SPAG5: variants seen among roughly 807,000 people sequenced by gnomAD.
The protein encoded by SPAG5 is sperm associated antigen 5.
Under a neutral mutation model 145.4 loss-of-function variants are expected in SPAG5, and 99 were observed. The ratio of observed to expected loss-of-function variants is 0.68; its 90% confidence interval spans 0.58 to 0.80. The LOEUF (loss-of-function observed/expected upper bound fraction) is 0.80, where lower values mean the gene tolerates loss of function less well. SPAG5 is among the 30% of genes least tolerant of loss of function. SPAG5 has a pLI of 0.00. For synonymous variants in SPAG5, 477 were observed against 525.4 expected, an observed-to-expected ratio of 0.91 and a Z score of 1.26; for missense variants, 1,192 against 1,416.0, an observed-to-expected ratio of 0.84 and a Z score of 2.54.
In SPAG5 at chr17:28,599,000, T is replaced by A. The variant is rs1194184893; in HGVS notation, c.-54A>T. ...CTCAGACCAAGTCGAGGACGCCATG[T>A]TCACCCGCCGTCTGTGTTTGAACCT... On this transcript the variant is annotated 5_prime_UTR_variant, in exon 1 of 24. Coordinates refer to ENST00000321765, the MANE Select transcript of SPAG5 (RefSeq NM_006461.4). 3.8e-6 allele frequency: 6 copies of A among 1,565,300 alleles called. No homozygotes were observed. Among genetic ancestry groups the A allele is most frequent in the Non-Finnish European group, 5.3e-6 (6 of 1,136,140 alleles).
At position 28,577,683 on chromosome 17, in the gene SPAG5, T is replaced by C; in HGVS notation, c.*16A>G. The C allele has an allele frequency of 1.2e-6, 2 of 1,603,222 alleles. No homozygotes were observed. Among genetic ancestry groups the C allele is most frequent in the Non-Finnish European group, 1.7e-6 (2 of 1,169,988 alleles). On this transcript the variant is annotated 3_prime_UTR_variant, in exon 24 of 24. Coordinates refer to ENST00000321765, the MANE Select transcript of SPAG5 (RefSeq NM_006461.4). ...GCAGGTAAAAAGAGGTGAAGCAGAT[T>C]CTGGCTTTCAGTTTCTTAGCTCAGA...
Position 28,579,192 on chromosome 17 carries a change from T to G in SPAG5, c.3066A>C (p.Ala1022=), listed in dbSNP as rs550714390. Residue 1022 remains alanine, a synonymous_variant, in exon 19 of 24, where the codon GCA becomes GCC. Coordinates refer to ENST00000321765, the MANE Select transcript of SPAG5 (RefSeq NM_006461.4). ...TCAGCTTCTCTATGTCTGCTTCTTTTGCCTTCTGGACTTCCTGATGCTGTT... is the reference window on the plus strand; with the variant it reads ...TCAGCTTCTCTATGTCTGCTTCTTTGGCCTTCTGGACTTCCTGATGCTGTT... ...QEEQHQEVQK[A]KEADIEKLNQ... 86 of 1,614,192 alleles carry G rather than the reference T, an allele frequency of 5.3e-5. No homozygotes were observed. In the South Asian group the frequency reaches 8.5e-4, roughly 16 times the overall value.
intron 4 of SPAG5, among the ~76,000 whole-genome samples, chr17:28,588,141 T>C (rs1477490900): frequency 6.6e-6 from 1 of 152,186 alleles, no homozygotes; most frequent in Non-Finnish European, 1.5e-5. Flanking sequence ...CAGTTATCAT[T>C]CACTGCTGCA....
chr17:28,592,212 G>A lies in SPAG5; in HGVS notation c.1032C>T (p.Ala344=). The A allele has an allele frequency of 6.2e-7, 1 of 1,614,178 alleles. No homozygotes were observed. Among genetic ancestry groups the A allele is most frequent in the Non-Finnish European group, 8.5e-7 (1 of 1,180,020 alleles). ...SDTESWMSPL[A]WLEKGVNTSV... ...AGGTATTTACACCTTTTTCCAGCCA[G>A]GCCAGTGGGGACATCCAAGACTCTG... Residue 344 remains alanine (A), a synonymous_variant, in exon 3 of 24, where the codon GCC becomes GCT. Coordinates refer to ENST00000321765, the MANE Select transcript of SPAG5 (RefSeq NM_006461.4).
At chr17:28,598,478 C>T (rs760211774) in intron 2 of SPAG5, 32 bp downstream of exon 2, 24 of 1,609,426 alleles carry the variant, frequency 1.5e-5, no homozygotes, top group Non-Finnish European at 1.8e-5. Flanking sequence ...GGGCAAACAG[C>T]CCAGTCGAGA....
At position 28,591,714 on chromosome 17, in the gene SPAG5, T is replaced by A; in HGVS notation, c.1421A>T (p.Asp474Val). The A allele has an allele frequency of 1.2e-6, 2 of 1,611,872 alleles. No individual in the cohort carries two copies. The highest frequency in any genetic ancestry group is 1.7e-6 in the Non-Finnish European group (2 of 1,178,548). The change falls in exon 4 of 24, where the codon GAC becomes GTC. Residue 474 changes from aspartate to valine, a missense_variant. Around this residue, in one of 5 missense-constraint regions of SPAG5, gnomAD observed 8 missense variants for 28.9 expected, o/e 0.28. Coordinates refer to ENST00000321765, the MANE Select transcript of SPAG5 (RefSeq NM_006461.4). The part of the protein sequence containing the change: ...PETQDSSTQT[D>V]TSHSGITNKL... ...CCTTCTTACCCCACTGTGAGATGTG[T>A]CAGTCTGTGTGCTACTGTCCTGGGT... is the stretch of plus-strand genomic sequence containing the variant.
In SPAG5 at chr17:28,592,208, G is replaced by A. The variant is rs912986009; in HGVS notation, c.1036C>T (p.Leu346=). 1 of 1,614,162 alleles carries A rather than the reference G, an allele frequency of 6.2e-7. No homozygotes were observed. The highest frequency in any genetic ancestry group is 1.3e-5 in the African/African-American group (1 of 75,032). The change falls in exon 3 of 24, where the codon CTG becomes TTG. Residue 346 remains leucine (L), a synonymous_variant. Transcript: ENST00000321765. ...TESWMSPLAW[L]EKGVNTSVML... ...ACGGAGGTATTTACACCTTTTTCCA[G>A]CCAGGCCAGTGGGGACATCCAAGAC...
chr17:28,587,604 C>G (rs1157546842), intron 4 of SPAG5, among the ~76,000 whole-genome samples: 2 of 151,260 alleles, frequency 1.3e-5, no homozygotes, highest in Non-Finnish European at 2.9e-5. Context: ...ATATTCCCAG[C>G]TACTCAGCTG....
At chr17:28,584,309 C>T in intron 12 of SPAG5, 24 bp downstream of exon 12, 1 of 1,614,064 alleles carries the variant, frequency 6.2e-7, no homozygotes, top group Non-Finnish European at 8.5e-7. Context: ...TGCCTACTGC[C>T]ACAGTACCCC....
chr17:28,591,782 C>T lies in SPAG5; in HGVS notation c.1353G>A (p.Gln451=), dbSNP rs202220175. The T allele has an allele frequency of 1.5e-4, 250 of 1,614,052 alleles. No individual in the cohort carries two copies. The highest frequency in any genetic ancestry group is 2.0e-4 in the Non-Finnish European group (234 of 1,180,026). ...CCAGCTGGCTCTTCCAGTCCCGAAG[C>T]TGGCGGGAGAGAACCTCCAGAATGA... ...SLVILEVLSR[Q]LRDWKSQLAV... The change falls in exon 4 of 24, where the codon CAG becomes CAA. Residue 451 remains glutamine, a synonymous_variant. Coordinates refer to ENST00000321765, the MANE Select transcript of SPAG5 (RefSeq NM_006461.4).
chr17:28,584,424 G>A lies in SPAG5; in HGVS notation c.2218C>T (p.Gln740Ter), dbSNP rs373792090. ...TGGGCACAATGGGTATGCTGACTCT[G>A]TAGCTCTTTTAGCTGGCTGTCCATG... Reference protein sequence around the residue: ...ANMDSQLKELQSQHTHCAQDL... With the variant: ...ANMDSQLKEL Residue 740 changes from glutamine (Q) to a stop codon, truncating the protein, a stop_gained, in exon 12 of 24, where the codon CAG becomes TAG. Transcript: ENST00000321765. LOFTEE classifies it high-confidence loss of function. The A allele has an allele frequency of 6.2e-7, 1 of 1,614,020 alleles. No individual in the cohort carries two copies. The highest frequency in any genetic ancestry group is 8.5e-7 in the Non-Finnish European group (1 of 1,180,046).
Position 28,585,136 on chromosome 17 carries a change from T to C in SPAG5, c.2033A>G (p.Gln678Arg), listed in dbSNP as rs773418321. The change falls in exon 10 of 24, where the codon CAG becomes CGG. Residue 678 changes from glutamine to arginine, a missense_variant. Gln to Arg is a conservative substitution (Grantham distance 43, BLOSUM62 1). This residue lies in a region of SPAG5 where 709 missense variants were observed against 840.7 expected (regional missense o/e 0.84). Transcript: ENST00000321765. ...TTCCTCAATTGCCACATCACGTTCC[T>C]GCAGGGCTTGCTGGCTCTTGACTGT... Reference protein sequence around the residue: ...KLTVKSQQALQERDVAIEEKQ... With the variant: ...KLTVKSQQALRERDVAIEEKQ... The C allele has an allele frequency of 3.7e-6, 6 of 1,614,134 alleles. No homozygotes were observed. The highest frequency in any genetic ancestry group is 5.1e-6 in the Non-Finnish European group (6 of 1,180,040).
rs777193712 is a variant in SPAG5 at position 28,585,692 on chromosome 17, A to G, written c.1741-39T>C. 3.7e-6 allele frequency: 6 copies of G among 1,612,166 alleles called. No individual in the cohort carries two copies. The Admixed American group carries it at 8.3e-5, about 22-fold the overall frequency. On this transcript the variant is annotated intron_variant, in intron 7 of 23. Coordinates refer to ENST00000321765, the MANE Select transcript of SPAG5 (RefSeq NM_006461.4). ...TGGTTGCAAGGCCACAGTGGGCAAC[A>G]GGGGAGCCAGCACAAAAAGATGTAA...
Position 28,578,769 on chromosome 17 carries a change from G to A in SPAG5, c.3118-17C>T, listed in dbSNP as rs755481097. On this transcript the variant is annotated splice_polypyrimidine_tract_variant and intron_variant, in intron 19 of 23. Transcript: ENST00000321765. ...CTTTTCATTCTGTGAGGGAAAGGGA[G>A]GTGAGAAGACACATGAAGAGCTGGT... The A allele has an allele frequency of 9.4e-6, 15 of 1,604,036 alleles. No individual in the cohort carries two copies. In the East Asian group the frequency reaches 2.2e-4, roughly 24 times the overall value.
rs112114466 is a variant in SPAG5, at chr17:28,584,629, T to TACAC, written c.2161+19_2161+22dup. On this transcript the variant is annotated intron_variant, in intron 11 of 23. Coordinates refer to ENST00000321765, the MANE Select transcript of SPAG5 (RefSeq NM_006461.4). The stretch of plus-strand genomic sequence containing the variant: ...GGGCTCAAATGCTTACATGCATGCA[T>TACAC]ACACACACACACACACAAACACCTG... The TACAC allele has an allele frequency of 9.1e-5, 141 of 1,547,344 alleles. No individual in the cohort carries two copies. The Middle Eastern group carries it at 2.2e-3, about 24-fold the overall frequency.
In SPAG5 at chr17:28,584,131, C is replaced by T. The variant is rs774270679; in HGVS notation, c.2412+19G>A. ...TCCTGAGGCTTACCAGCTCCCTTGG[C>T]CCAAGCCATATTCCTTACCTCCAAG... On this transcript the variant is annotated intron_variant, in intron 13 of 23. Transcript: ENST00000321765. 45 of 1,613,302 alleles carry T rather than the reference C, an allele frequency of 2.8e-5. No homozygotes were observed. Among genetic ancestry groups the T allele is most frequent in the Non-Finnish European group, 3.7e-5 (44 of 1,179,572 alleles).
chr17:28,589,626 T>C (rs1222595588), intron 4 of SPAG5, among the ~76,000 whole-genome samples: 1 of 152,156 alleles, frequency 6.6e-6, no homozygotes, highest in Non-Finnish European at 1.5e-5. Flanking sequence ...AAGTATGTTA[T>C]TAGCTGGGCA....
rs1469208806 is a variant in SPAG5 at position 28,592,004 on chromosome 17, CAGA to C, written c.1237_1239del (p.Ser413del). 6.2e-7 allele frequency: 1 copy of C among 1,614,130 alleles called. No homozygotes were observed. The highest frequency in any genetic ancestry group is 2.2e-5 in the East Asian group (1 of 44,880). ...TACCCACACAGGAGCTGCTCTGTCT[CAGA>C]AGTACTGTGCTTGGTGCCAACCAGG... On this transcript the variant is annotated inframe_deletion, in exon 3 of 24. Transcript: ENST00000321765.
Position 28,592,718 on chromosome 17 carries a change from G to A in SPAG5, c.526C>T (p.Pro176Ser), listed in dbSNP as rs62066790. 1.2e-6 allele frequency: 2 copies of A among 1,614,200 alleles called. No individual in the cohort carries two copies. Among genetic ancestry groups the A allele is most frequent in the Non-Finnish European group, 1.7e-6 (2 of 1,180,046 alleles). ...TCTGAAAACCTGTCTCCCATGCAGG[G>A]TGCCACCTCCTCTCTCACCAGATCG... ...TDDLVREEVA[P>S]CMGDRFSEVA... The change falls in exon 3 of 24, where the codon CCC becomes TCC. Residue 176 changes from proline (P) to serine (S), a missense_variant. Physicochemically the swap from Pro to Ser is moderately conservative, Grantham distance 74 (BLOSUM62 -1). Around this residue, in one of 5 missense-constraint regions of SPAG5, gnomAD observed 329 missense variants for 354.0 expected, o/e 0.93. Transcript: ENST00000321765.
Sources: allele counts gnomAD v4.1 joint callset (sites outside exome capture counted in the v4.1 genomes callset), GRCh38; gene constraint gnomAD v4.1.1; regional missense constraint gnomAD v4.1.1; transcripts MANE v1.5; gene names NCBI Gene and HGNC (gene_info 2026-07-23, HGNC 2026-07-21).